Variants in GPSM2 observed in about 807,000 individuals in gnomAD.
GPSM2 encodes G protein signaling modulator 2, also known as G protein-signaling modulator 2.
Under a neutral mutation model 78.4 loss-of-function variants are expected in GPSM2, and 58 were observed. The ratio of observed to expected loss-of-function variants is 0.74; its 90% CI spans 0.60 to 0.92. The LOEUF (loss-of-function observed/expected upper bound fraction) is 0.92, where lower values mean the gene tolerates loss of function less well. Ranked by LOEUF, GPSM2 falls within the 40% of genes least tolerant of loss-of-function variation. The probability of loss-of-function intolerance (pLI) is 0.00; values close to 1 mark genes in which losing one functional copy is unlikely to be tolerated. For missense variants in GPSM2, 700 were observed against 815.5 expected (o/e 0.86, Z 1.73); for synonymous variants, 224 against 280.2 (o/e 0.80, Z 2.00).
In GPSM2 at chr1:108,934,410, C is replaced by A. The variant is rs1040467805; in HGVS notation, c.*4470C>A. On this transcript the variant is annotated 3_prime_UTR_variant, in exon 15 of 15. Transcript: ENST00000264126. Reference sequence around the variant, plus strand: ...ATCCAGAATCAGTGATGCCTGTCATCTGTTCATCTTAAAATAAACACTTCT... The same window carrying A: ...ATCCAGAATCAGTGATGCCTGTCATATGTTCATCTTAAAATAAACACTTCT... 41 of 444,194 alleles carry A rather than the reference C, an allele frequency of 9.2e-5. No homozygotes were observed. The highest frequency in any genetic ancestry group is 2.8e-5 in the Non-Finnish European group (7 of 252,234). 27.5% of individuals were successfully genotyped at this position (444,194 alleles called of 1,614,324 possible).
intron 10 of GPSM2, among the ~76,000 whole-genome samples, chr1:108,912,623 C>T (rs1015535928): frequency 2.6e-4 from 40 of 151,540 alleles, no homozygotes; most frequent in African/African-American, 8.7e-4. Context: ...GCCTATAGCC[C>T]CAGCTACTTG....
In GPSM2 at chr1:108,930,003, CT is replaced by C; in HGVS notation, c.*65del. On this transcript the variant is annotated 3_prime_UTR_variant, in exon 15 of 15. Transcript: ENST00000264126. ...AAGGAAACAATCTATTACTTTTTTC[CT>C]TAAAAGGAGAATTTATAGCACTGTA... 6.8e-7 allele frequency: 1 copy of C among 1,465,582 alleles called. No individual in the cohort carries two copies. Among genetic ancestry groups the C allele is most frequent in the South Asian group, 1.2e-5 (1 of 85,674 alleles). The allele number at this position is 1,465,582 out of a possible 1,614,324, so 90.8% of individuals were successfully genotyped here.
In GPSM2 at chr1:108,891,872, C is replaced by G. The variant is rs192800334; in HGVS notation, c.57-4992C>G. Among the ~76,000 whole-genome samples the G allele has an allele frequency of 9.1e-4, 138 of 152,202 alleles. 2 individuals are homozygous for G. The East Asian group carries it at 0.015, about 16-fold the overall frequency. On this transcript the variant is annotated intron_variant, in intron 2 of 14. Transcript: ENST00000264126. ...TCACTTTTAAAACTAAATTACCATA[C>G]AAATTTTTGTTTTTTAATCATTTTC...
chr1:108,922,599 C>T, intron 13 of GPSM2, 23 bp downstream of exon 13: 4 of 1,573,846 alleles, frequency 2.5e-6, no homozygotes, highest in Non-Finnish European at 3.5e-6. Flanking sequence ...TGTTTCTCCC[C>T]CGATTTTAAT....
chr1:108,912,749 A>C lies in GPSM2; in HGVS notation c.1193-1589A>C, dbSNP rs115450936. On this transcript the variant is annotated intron_variant, in intron 10 of 14. Coordinates refer to ENST00000264126, the MANE Select transcript of GPSM2 (RefSeq NM_013296.5). ...ACAGAGCAAGACCTCTTCTCAAAAA[A>C]AGAGATCGGGGGCCGGCCAGGCATG... 1.7e-3 allele frequency among the ~76,000 whole-genome samples: 262 copies of C among 152,056 alleles called. 2 individuals are homozygous for C. The highest frequency in any genetic ancestry group is 6.0e-3 in the African/African-American group (247 of 41,466).
Position 108,898,704 on chromosome 1 carries a change from A to G in GPSM2, c.620A>G (p.Asn207Ser), listed in dbSNP as rs1376067994. The change falls in exon 6 of 15, where the codon AAT becomes AGT. Residue 207 changes from asparagine to serine, a missense_variant. Asn to Ser is a conservative substitution (Grantham distance 46). Coordinates refer to ENST00000264126, the MANE Select transcript of GPSM2 (RefSeq NM_013296.5). ...DRAAQGRAFG[N>S]LGNTHYLLGN... ...GCGGCACAAGGACGTGCCTTTGGAA[A>G]TCTTGGAAACACACATTACCTCCTT... 1 of 1,614,024 alleles carries G rather than the reference A, an allele frequency of 6.2e-7. No individual in the cohort carries two copies. Among genetic ancestry groups the G allele is most frequent in the Non-Finnish European group, 8.5e-7 (1 of 1,179,896 alleles).
rs1387592085 is a variant in GPSM2 at position 108,882,844 on chromosome 1, G to T, written c.-248-2431G>T. ...TGGAATTCTGAACAAAAGGAAAAGAGATTTGATGTGTTGATAGCTGCTATT... is the reference window on the plus strand; with the variant it reads ...TGGAATTCTGAACAAAAGGAAAAGATATTTGATGTGTTGATAGCTGCTATT... On this transcript the variant is annotated intron_variant, in intron 1 of 14. Transcript: ENST00000264126. Among the ~76,000 whole-genome samples the T allele has an allele frequency of 5.3e-5, 8 of 152,306 alleles. No homozygotes were observed. The East Asian group carries it at 9.6e-4, about 18-fold the overall frequency.
chr1:108,884,379 CA>C (rs1647366457), intron 1 of GPSM2, among the ~76,000 whole-genome samples: 1 of 152,050 alleles, frequency 6.6e-6, no homozygotes, highest in Non-Finnish European at 1.5e-5. Flanking sequence ...AACAGCAATC[CA>C]AAAAACTATA....
At chr1:108,885,880 G>C (rs1014363389) in intron 2 of GPSM2, among the ~76,000 whole-genome samples, 1 of 152,054 alleles carries the variant, frequency 6.6e-6, no homozygotes, top group African/African-American at 2.4e-5. Flanking sequence ...AATCTTTGGG[G>C]CTAAAAGGTG....
chr1:108,903,146 G>C lies in GPSM2; in HGVS notation c.974G>C (p.Cys325Ser). The C allele has an allele frequency of 6.2e-7, 1 of 1,605,036 alleles. No individual in the cohort carries two copies. The highest frequency in any genetic ancestry group is 8.5e-7 in the Non-Finnish European group (1 of 1,171,964). The change falls in exon 9 of 15, where the codon TGT becomes TCT. Residue 325 changes from cysteine to serine, a missense_variant. Transcript: ENST00000264126. ...TTTAGAATTGGTGAAGGAAGAGCAT[G>C]TTGGAGCTTAGGAAATGCATACACA... is the stretch of plus-strand genomic sequence containing the variant. Reference protein sequence around the residue: ...LNDRIGEGRACWSLGNAYTAL... With the variant: ...LNDRIGEGRASWSLGNAYTAL...
intron 14 of GPSM2, among the ~76,000 whole-genome samples, chr1:108,928,624 A>G (rs1330262941): frequency 1.3e-5 from 2 of 152,212 alleles, no homozygotes; most frequent in African/African-American, 4.8e-5. Flanking sequence ...GCCAGAAACT[A>G]TGGTGTATAC....
At chr1:108,910,578 C>T (rs1456956841) in intron 10 of GPSM2, among the ~76,000 whole-genome samples, 7 of 152,084 alleles carry the variant, frequency 4.6e-5, no homozygotes, top group East Asian at 3.9e-4. Flanking sequence ...TTAAAACAAA[C>T]GGGGAGCCGG....
intron 10 of GPSM2, among the ~76,000 whole-genome samples, chr1:108,914,042 A>G (rs1317900118): frequency 1.3e-5 from 2 of 152,222 alleles, no homozygotes; most frequent in Non-Finnish European, 1.5e-5. Flanking sequence ...TGGATAGTAT[A>G]AAACCAGTTG....
At chr1:108,892,357 C>G (rs1444699144) in intron 2 of GPSM2, among the ~76,000 whole-genome samples, 2 of 151,882 alleles carry the variant, frequency 1.3e-5, no homozygotes, top group Non-Finnish European at 2.9e-5. Flanking sequence ...GGATAATAGT[C>G]AAGTGCAAAA....
chr1:108,911,373 C>T (rs906363895), intron 10 of GPSM2, among the ~76,000 whole-genome samples: 3 of 152,088 alleles, frequency 2.0e-5, no homozygotes, highest in South Asian at 2.1e-4. Context: ...ACTAAAAATA[C>T]AGACATTAGC....
At position 108,901,928 on chromosome 1, in the gene GPSM2, T is replaced by C. The variant is rs1392955782; in HGVS notation, c.936T>C (p.Ala312=). ...ATCATCTGAAGCACTTAGCAATTGC[T>C]CAAGAGCTGAATGATAGGTATGTTT... The part of the protein sequence containing the change: ...IDYHLKHLAI[A]QELNDRIGEG... Residue 312 remains alanine, a synonymous_variant, in exon 8 of 15, where the codon GCT becomes GCC. Transcript: ENST00000264126. The C allele has an allele frequency of 6.2e-7, 1 of 1,610,596 alleles. No individual in the cohort carries two copies. Among genetic ancestry groups the C allele is most frequent in the South Asian group, 1.1e-5 (1 of 91,012 alleles).
At chr1:108,897,162 C>A in intron 3 of GPSM2, 77 bp downstream of exon 3, 2 of 1,063,096 alleles carry the variant, frequency 1.9e-6, no homozygotes, top group Admixed American at 1.8e-5. Context: ...ATTCAATTAA[C>A]AAAAACTAAC....
rs937514370 is a variant in GPSM2, at chr1:108,933,978, G to A, written c.*4038G>A. On this transcript the variant is annotated 3_prime_UTR_variant, in exon 15 of 15. Transcript: ENST00000264126. The stretch of plus-strand genomic sequence containing the variant: ...TATAAAAAGCCCATGCACTTCAATT[G>A]GTGGGGGAAAAGAATAAAGTCATTT... 6.6e-6 allele frequency: 1 copy of A among 152,190 alleles called. No individual in the cohort carries two copies. The highest frequency in any genetic ancestry group is 1.5e-5 in the Non-Finnish European group (1 of 68,036). The allele number at this position is 152,190 out of a possible 1,614,324, so 9.4% of individuals were successfully genotyped here. A position where few individuals can be genotyped will look rare whatever the true frequency, so the allele number is the denominator to read the frequency against.
rs1329004298 is a variant in GPSM2, at chr1:108,914,496, G to A, written c.1263+88G>A. 3 of 998,102 alleles carry A rather than the reference G, an allele frequency of 3.0e-6. No homozygotes were observed. In the East Asian group the frequency reaches 7.9e-5, roughly 26 times the overall value. 61.8% of individuals were successfully genotyped at this position (998,102 alleles called of 1,614,324 possible). On this transcript the variant is annotated intron_variant, in intron 11 of 14. Coordinates refer to ENST00000264126, the MANE Select transcript of GPSM2 (RefSeq NM_013296.5). ...AATTTAATGAAATAATTTAAATAAG[G>A]CTTGCCCTATATAGGTATCACTTTA...
Sources: gnomAD v4.1 joint callset for allele counts (sites outside exome capture counted in the v4.1 genomes callset) on GRCh38, gnomAD v4.1.1 for gene constraint, MANE v1.5 for transcripts, NCBI Gene and HGNC (gene_info 2026-07-23, HGNC 2026-07-21) for gene names.